Variants in FRK observed in about 807,000 individuals in gnomAD.
FRK encodes fyn related Src family tyrosine kinase, also known as tyrosine-protein kinase FRK.
FRK carries 51 observed loss-of-function variants against 56.4 expected under a neutral mutation model. The observed-to-expected ratio is 0.90, with a 90% CI of 0.72 to 1.14. FRK has a LOEUF of 1.14. Among genes scored for constraint, FRK ranks in the 50% most tolerant of loss-of-function variants. The probability of loss-of-function intolerance (pLI) is 0.00; values close to 1 mark genes in which losing one functional copy is unlikely to be tolerated. For missense variants in FRK, 570 were observed against 601.4 expected (o/e 0.95, Z 0.55); for synonymous variants, 245 against 217.9 (o/e 1.12, Z -1.10).
chr6:116,001,055 C>G (rs139968849), intron 2 of FRK, among the ~76,000 whole-genome samples: 1 of 151,930 alleles, frequency 6.6e-6, no homozygotes, highest in Non-Finnish European at 1.5e-5. Flanking sequence ...CAGGCTAACA[C>G]GGTGAAACCC....
chr6:116,093,500 T>C, the FRK span, among the ~76,000 whole-genome samples: 1 of 145,272 alleles, frequency 6.9e-6, no homozygotes, highest in Non-Finnish European at 1.5e-5. Context: ...ATGAAAAGAA[T>C]GCTTTAGCTG....
chr6:116,047,071 G>T (rs1295564931), intron 1 of FRK, among the ~76,000 whole-genome samples: 2 of 150,512 alleles, frequency 1.3e-5, no homozygotes, highest in African/African-American at 4.9e-5. Flanking sequence ...ATATATATTT[G>T]CTGCCTCTAC....
rs1772141526 is a variant in FRK at position 115,940,725 on chromosome 6, A to G, written c.*1689T>C. On this transcript the variant is annotated 3_prime_UTR_variant, in exon 8 of 8. Transcript: ENST00000606080. ...ATTTATGCAGCCAACAGACATATGAAAAAAAGCTCATCATCTGATCATTAG... is the reference window on the plus strand; with the variant it reads ...ATTTATGCAGCCAACAGACATATGAGAAAAAGCTCATCATCTGATCATTAG... 1 of 152,246 alleles carries G rather than the reference A, an allele frequency of 6.6e-6. No individual in the cohort carries two copies. The highest frequency in any genetic ancestry group is 2.4e-5 in the African/African-American group (1 of 41,464). The allele number at this position is 152,246 out of a possible 1,614,324, so 9.4% of individuals were successfully genotyped here. A position where few individuals can be genotyped will look rare whatever the true frequency, so the allele number is the denominator to read the frequency against.
intron 1 of FRK, among the ~76,000 whole-genome samples, chr6:116,017,757 C>T (rs1351286431): frequency 6.6e-6 from 1 of 152,090 alleles, no homozygotes; most frequent in Non-Finnish European, 1.5e-5. Context: ...CAAGGTACTA[C>T]AATTTGAAAA....
At chr6:116,049,965 C>T (rs953620801) in intron 1 of FRK, among the ~76,000 whole-genome samples, 2 of 152,172 alleles carry the variant, frequency 1.3e-5, no homozygotes, top group Non-Finnish European at 2.9e-5. Flanking sequence ...TCTATCTCTG[C>T]ACTCATTCTT....
the FRK span, among the ~76,000 whole-genome samples, chr6:116,080,634 C>T: frequency 6.6e-6 from 1 of 152,136 alleles, no homozygotes; most frequent in East Asian, 1.9e-4. Flanking sequence ...AATATTTATA[C>T]CATATGAAAA....
At chr6:115,953,067 TATA>T (rs1287356998) in intron 5 of FRK, among the ~76,000 whole-genome samples, 8 of 148,154 alleles carry the variant, frequency 5.4e-5, no homozygotes, top group Non-Finnish European at 7.4e-5. Flanking sequence ...AAACTTAAAG[TATA>T]ATAATAATAA....
In FRK at chr6:115,951,591, T is replaced by C. The variant is rs546477800; in HGVS notation, c.958+4861A>G. Among the ~76,000 whole-genome samples, 82 of 152,368 alleles carry C rather than the reference T, an allele frequency of 5.4e-4. 2 individuals are homozygous for C. In the South Asian group the frequency reaches 0.016, roughly 30 times the overall value. ...AGTTTTTTTACAGATCTTTCTCATT[T>C]TGGAGAAATGTATTACAAAAATTAT... On this transcript the variant is annotated intron_variant, in intron 5 of 7. Transcript: ENST00000606080.
At chr6:115,987,093 C>T (rs1470265546) in intron 2 of FRK, among the ~76,000 whole-genome samples, 3 of 152,150 alleles carry the variant, frequency 2.0e-5, no homozygotes, top group Admixed American at 2.0e-4. Flanking sequence ...AATCATGGGA[C>T]AAGCTCTATG....
chr6:115,984,975 A>G (rs747942081), intron 2 of FRK, among the ~76,000 whole-genome samples: 7 of 152,138 alleles, frequency 4.6e-5, no homozygotes, highest in African/African-American at 7.2e-5. Flanking sequence ...TGGGTGGAAT[A>G]CCATCTGACA....
intron 4 of FRK, among the ~76,000 whole-genome samples, chr6:115,958,768 A>AGAGAG (rs1773193815): frequency 3.7e-5 from 3 of 80,764 alleles, no homozygotes; most frequent in Non-Finnish European, 6.9e-5. Flanking sequence ...AGAAAGAAAG[A>AGAGAG]GGGGGGGGAA....
At chr6:116,029,241 T>C (rs1353986029) in intron 1 of FRK, among the ~76,000 whole-genome samples, 1 of 152,190 alleles carries the variant, frequency 6.6e-6, no homozygotes, top group Non-Finnish European at 1.5e-5. Context: ...AAAATGCTTC[T>C]CATCTTCTAA....
At chr6:116,081,144 C>A in the FRK span, among the ~76,000 whole-genome samples, 1 of 152,124 alleles carries the variant, frequency 6.6e-6, no homozygotes. Flanking sequence ...AAAACCTGCC[C>A]CCATGATTCA....
At chr6:115,951,567 GT>G (rs5879357) in intron 5 of FRK, among the ~76,000 whole-genome samples, 3 of 152,032 alleles carry the variant, frequency 2.0e-5, no homozygotes, top group African/African-American at 4.8e-5. Context: ...CAATACTAAA[GT>G]TTTTTTACAG....
chr6:116,048,263 G>A (rs775646820), intron 1 of FRK, among the ~76,000 whole-genome samples: 82 of 152,164 alleles, frequency 5.4e-4, no homozygotes, highest in Middle Eastern at 3.4e-3. Context: ...CTTCAATTTC[G>A]ACATGAACTA....
chr6:115,958,779 GGAGA>G (rs200019755), intron 4 of FRK, among the ~76,000 whole-genome samples: 1 of 82,586 alleles, frequency 1.2e-5, no homozygotes, highest in Non-Finnish European at 2.3e-5. Context: ...GGGGGGGGAA[GGAGA>G]GAGAGAAAGA....
At chr6:116,065,006 A>G (rs1034456066), upstream of FRK, among the ~76,000 whole-genome samples, 2 of 152,004 alleles carry the variant, frequency 1.3e-5, no homozygotes, top group Non-Finnish European at 2.9e-5. Flanking sequence ...CAGTAAGTCT[A>G]CTTACTCCTG....
chr6:116,073,750 A>C, the FRK span, among the ~76,000 whole-genome samples: 17 of 152,208 alleles, frequency 1.1e-4, no homozygotes, highest in Non-Finnish European at 2.4e-4. Context: ...TTCCATTAAA[A>C]TGTGCTCATA....
Position 115,938,489 on chromosome 6 carries a change from A to C in FRK, c.*3925T>G, listed in dbSNP as rs1018963364. The C allele has an allele frequency of 4.3e-4, 66 of 152,360 alleles. No homozygotes were observed. The highest frequency in any genetic ancestry group is 1.5e-3 in the African/African-American group (62 of 41,592). The allele number at this position is 152,360 out of a possible 1,614,324, so 9.4% of individuals were successfully genotyped here. ...ATAACTAAGATCAGAACAGAACTGA[A>C]GGTGATAGAGACATGAAAAACCTTT... On this transcript the variant is annotated 3_prime_UTR_variant, in exon 8 of 8. Coordinates refer to ENST00000606080, the MANE Select transcript of FRK (RefSeq NM_002031.3).
Sources: allele counts gnomAD v4.1 joint callset (sites outside exome capture counted in the v4.1 genomes callset), GRCh38; gene constraint gnomAD v4.1.1; transcripts MANE v1.5; gene names NCBI Gene and HGNC (gene_info 2026-07-23, HGNC 2026-07-21).